The following SLC24A2 variants were observed in gnomAD, a reference collection of about 807,000 sequenced individuals.
The protein encoded by SLC24A2 is solute carrier family 24 member 2, also known as sodium/potassium/calcium exchanger 2.
Under a neutral mutation model 62.0 loss-of-function variants are expected in SLC24A2, and 36 were observed. The ratio of observed to expected loss-of-function variants is 0.58; its 90% confidence interval spans 0.44 to 0.77. The LOEUF (loss-of-function observed/expected upper bound fraction) is 0.77, where lower values mean the gene tolerates loss of function less well. Among genes scored for constraint, SLC24A2 ranks in the 30% least tolerant of loss-of-function variants. SLC24A2 has a pLI of 0.00. For missense variants in SLC24A2, 846 were observed against 817.9 expected (o/e 1.03, Z -0.42); for synonymous variants, 358 against 294.0 (o/e 1.22, Z -2.23).
chr9:19,784,619 G>C (rs2118940705), intron 2 of SLC24A2, among the ~76,000 whole-genome samples: 1 of 152,228 alleles, frequency 6.6e-6, no homozygotes, highest in South Asian at 2.1e-4. Flanking sequence ...TCACCTTTTT[G>C]GCTGCTAAGT....
At chr9:19,816,536 C>T in the SLC24A2 span, among the ~76,000 whole-genome samples, 1 of 152,136 alleles carries the variant, frequency 6.6e-6, no homozygotes, top group East Asian at 1.9e-4. Context: ...GCTTGCATTG[C>T]TATAAGGAAA....
the SLC24A2 span, among the ~76,000 whole-genome samples, chr9:19,966,702 G>A: frequency 1.3e-5 from 2 of 152,116 alleles, no homozygotes; most frequent in Middle Eastern, 3.2e-3. Context: ...ATCAATACAG[G>A]AAAGTGTTGG....
intron 2 of SLC24A2, among the ~76,000 whole-genome samples, chr9:19,706,223 A>G (rs1264967073): frequency 6.6e-6 from 1 of 151,470 alleles, no homozygotes; most frequent in African/African-American, 2.4e-5. Flanking sequence ...TTGTTGGTTT[A>G]AAGTCTGTTT....
chr9:19,534,560 A>G (rs1274392908), intron 8 of SLC24A2, among the ~76,000 whole-genome samples: 1 of 149,052 alleles, frequency 6.7e-6, no homozygotes, highest in Non-Finnish European at 1.5e-5. Context: ...CCCCGGGTCC[A>G]TGTTATCTCA....
chr9:19,536,198 T>G (rs1055778945), intron 8 of SLC24A2, among the ~76,000 whole-genome samples: 5 of 150,258 alleles, frequency 3.3e-5, no homozygotes, highest in African/African-American at 1.2e-4. Context: ...AATTTTTTAT[T>G]TATTTATTTT....
the SLC24A2 span, among the ~76,000 whole-genome samples, chr9:19,951,876 AC>A: frequency 6.6e-6 from 1 of 152,090 alleles, no homozygotes; most frequent in Non-Finnish European, 1.5e-5. Flanking sequence ...TTACAACCTC[AC>A]AAGGATTTTA....
At chr9:20,259,659 A>T in the SLC24A2 span, among the ~76,000 whole-genome samples, 1 of 152,158 alleles carries the variant, frequency 6.6e-6, no homozygotes, top group African/African-American at 2.4e-5. Context: ...AGTCCCCAGT[A>T]GTCATCTCAA....
chr9:19,915,359 C>T, the SLC24A2 span, among the ~76,000 whole-genome samples: 1 of 152,054 alleles, frequency 6.6e-6, no homozygotes, highest in Non-Finnish European at 1.5e-5. Flanking sequence ...GTTGTTTCCA[C>T]TTTTTGGCTC....
intron 6 of SLC24A2, among the ~76,000 whole-genome samples, chr9:19,575,180 C>G (rs1835970478): frequency 1.3e-5 from 2 of 152,132 alleles, no homozygotes; most frequent in South Asian, 4.2e-4. Flanking sequence ...TTTACTTTAT[C>G]TTTCCAAGTT....
At chr9:20,157,485 G>A in the SLC24A2 span, among the ~76,000 whole-genome samples, 16 of 151,734 alleles carry the variant, frequency 1.1e-4, no homozygotes, top group Non-Finnish European at 2.2e-4. Context: ...ACCACCCTCG[G>A]AAAGATAAAA....
the SLC24A2 span, among the ~76,000 whole-genome samples, chr9:20,017,376 A>C: frequency 6.6e-6 from 1 of 152,140 alleles, no homozygotes. Context: ...AATGATTCTA[A>C]ATTTTTCTAT....
intron 5 of SLC24A2, among the ~76,000 whole-genome samples, chr9:19,578,886 A>C (rs1836118659): frequency 6.6e-6 from 1 of 152,218 alleles, no homozygotes; most frequent in Non-Finnish European, 1.5e-5. Context: ...GCCACAACAA[A>C]GGCAAAGGCA....
intron 4 of SLC24A2, among the ~76,000 whole-genome samples, chr9:19,600,634 C>G (rs1233202395): frequency 2.6e-5 from 4 of 152,172 alleles, no homozygotes; most frequent in Non-Finnish European, 1.5e-5. Context: ...TCCCCAGATT[C>G]TGCAACTTCT....
At chr9:20,072,279 G>C in the SLC24A2 span, among the ~76,000 whole-genome samples, 1 of 152,136 alleles carries the variant, frequency 6.6e-6, no homozygotes, top group African/African-American at 2.4e-5. Context: ...CCTTCCTCCA[G>C]AGTATGGGGC....
At chr9:20,298,232 CTTTTTTA>C in the SLC24A2 span, among the ~76,000 whole-genome samples, 4 of 152,092 alleles carry the variant, frequency 2.6e-5, no homozygotes, top group Non-Finnish European at 1.5e-5. Flanking sequence ...GATTAATTTT[CTTTTTTA>C]TTTTTTTGAG....
At chr9:19,551,462 A>G (rs1834842993) in intron 7 of SLC24A2, among the ~76,000 whole-genome samples, 1 of 152,068 alleles carries the variant, frequency 6.6e-6, no homozygotes. Flanking sequence ...AGCCCTCAAT[A>G]CTTCCAAAAC....
At chr9:19,565,332 G>A (rs1037849638) in intron 7 of SLC24A2, among the ~76,000 whole-genome samples, 8 of 145,182 alleles carry the variant, frequency 5.5e-5, no homozygotes, top group African/African-American at 1.8e-4. Flanking sequence ...CAGACAAACA[G>A]AGAGCCAAAT....
intron 5 of SLC24A2, among the ~76,000 whole-genome samples, chr9:19,580,869 T>C (rs1178314605): frequency 6.6e-6 from 1 of 152,190 alleles, no homozygotes; most frequent in Non-Finnish European, 1.5e-5. Context: ...GAGTTACTAG[T>C]GACATACGAT....
At chr9:19,816,853 C>T in the SLC24A2 span, among the ~76,000 whole-genome samples, 1 of 151,948 alleles carries the variant, frequency 6.6e-6, no homozygotes, top group Admixed American at 6.6e-5. Context: ...GATCCAATCA[C>T]CTCCTACAAG....
Sources: allele counts gnomAD v4.1 joint callset (sites outside exome capture counted in the v4.1 genomes callset), GRCh38; gene constraint gnomAD v4.1.1; transcripts MANE v1.5; gene names NCBI Gene and HGNC (gene_info 2026-07-23, HGNC 2026-07-21).